ZNF804A: variants seen among roughly 807,000 people sequenced by gnomAD.
ZNF804A encodes zinc finger protein 804A.
A neutral mutation model predicts 16.5 loss-of-function variants in ZNF804A; 2 were observed. That is an observed-to-expected ratio of 0.12 (90% CI 0.05 to 0.38). The LOEUF (loss-of-function observed/expected upper bound fraction) is 0.38, where lower values mean the gene tolerates loss of function less well. Among genes scored for constraint, ZNF804A ranks in the 10% least tolerant of loss-of-function variants. The pLI, the probability that ZNF804A is intolerant of heterozygous loss-of-function variation, is 0.99. For synonymous variants in ZNF804A, 534 were observed against 489.6 expected (o/e 1.09, Z -1.20); for missense variants, 1,473 against 1,390.7 (o/e 1.06, Z -0.94).
intron 1 of ZNF804A, among the ~76,000 whole-genome samples, chr2:184,808,601 A>G (rs1012017517): frequency 2.0e-5 from 3 of 151,514 alleles, no homozygotes; most frequent in African/African-American, 7.2e-5. Context: ...TTTAAATATT[A>G]ATAGATTATA....
In ZNF804A at chr2:184,936,706, T is replaced by A; in HGVS notation, c.1310T>A (p.Leu437His). The change falls in exon 4 of 4, where the codon CTT becomes CAT. Residue 437 changes from leucine to histidine, a missense_variant. By Grantham distance (99) the Leu-to-His change is moderately conservative (BLOSUM62 -3). Transcript: ENST00000302277. Reference protein sequence around the residue: ...PVLNKHRSTVLQWPSEMLVYT... With the variant: ...PVLNKHRSTVHQWPSEMLVYT... ...CTTAACAAACACAGATCTACAGTTC[T>A]TCAGTGGCCATCAGAAATGCTGGTT... is the stretch of plus-strand genomic sequence containing the variant. The A allele has an allele frequency of 6.2e-7, 1 of 1,613,718 alleles. No homozygotes were observed. The highest frequency in any genetic ancestry group is 8.5e-7 in the Non-Finnish European group (1 of 1,179,870).
chr2:184,868,669 T>C (rs1695923011), intron 2 of ZNF804A, among the ~76,000 whole-genome samples: 1 of 151,946 alleles, frequency 6.6e-6, no homozygotes, highest in African/African-American at 2.4e-5. Context: ...CCTGTGACAA[T>C]TGAGAGTATG....
intron 2 of ZNF804A, among the ~76,000 whole-genome samples, chr2:184,867,498 T>C (rs1478284285): frequency 1.3e-5 from 2 of 152,042 alleles, no homozygotes; most frequent in African/African-American, 4.8e-5. Context: ...AATCCTGCAG[T>C]CGTTCATACC....
intron 1 of ZNF804A, among the ~76,000 whole-genome samples, chr2:184,792,052 T>TTATTTATTTTTTTTTATTTATTTA (rs1303154091): frequency 1.3e-5 from 2 of 152,138 alleles, no homozygotes; most frequent in Non-Finnish European, 2.9e-5. Context: ...TGTACAACAG[T>TTATTTATTTTTTTTTATTTATTTA]TTATTTATTT....
At chr2:184,781,776 T>A (rs1694375651) in intron 1 of ZNF804A, among the ~76,000 whole-genome samples, 1 of 151,850 alleles carries the variant, frequency 6.6e-6, no homozygotes, top group Non-Finnish European at 1.5e-5. Flanking sequence ...TTTCTGAAAA[T>A]TTTTCTTTTT....
At chr2:184,676,388 T>TAC (rs1191439532) in intron 1 of ZNF804A, among the ~76,000 whole-genome samples, 1 of 151,390 alleles carries the variant, frequency 6.6e-6, no homozygotes, top group Non-Finnish European at 1.5e-5. Context: ...CACATATGCA[T>TAC]ACACACACAC....
intron 1 of ZNF804A, among the ~76,000 whole-genome samples, chr2:184,710,204 A>C (rs1466399370): frequency 6.6e-6 from 1 of 151,562 alleles, no homozygotes; most frequent in Non-Finnish European, 1.5e-5. Context: ...AAATTGTGTA[A>C]GTTTTGAAGT....
At chr2:184,740,708 T>C (rs1283832449) in intron 1 of ZNF804A, among the ~76,000 whole-genome samples, 1 of 152,192 alleles carries the variant, frequency 6.6e-6, no homozygotes. Flanking sequence ...TTCTGTCTTA[T>C]ATTCAACTTA....
intron 1 of ZNF804A, among the ~76,000 whole-genome samples, chr2:184,787,029 G>T (rs1574212186): frequency 6.6e-6 from 1 of 151,680 alleles, no homozygotes; most frequent in Non-Finnish European, 1.5e-5. Context: ...ATGTGTAATG[G>T]TTGGGGTTGG....
rs867440149 is a variant in ZNF804A, at chr2:184,904,922, A to T, written c.256-28681A>T. On this transcript the variant is annotated intron_variant, in intron 2 of 3. Transcript: ENST00000302277. ...ATCTATTTACCCATTTATATGAAAGATAGAAATCTTAGTATGGCCTGCAAT... is the reference window on the plus strand; with the variant it reads ...ATCTATTTACCCATTTATATGAAAGTTAGAAATCTTAGTATGGCCTGCAAT... 2.6e-5 allele frequency among the ~76,000 whole-genome samples: 4 copies of T among 152,118 alleles called. 1 individual carries two copies. The highest frequency in any genetic ancestry group is 2.0e-4 in the Admixed American group (3 of 15,254).
chr2:184,676,513 A>G (rs1487399692), intron 1 of ZNF804A, among the ~76,000 whole-genome samples: 1 of 151,668 alleles, frequency 6.6e-6, no homozygotes, highest in Non-Finnish European at 1.5e-5. Context: ...ATAAAGACTG[A>G]ACAAATTGAT....
intron 2 of ZNF804A, among the ~76,000 whole-genome samples, chr2:184,878,828 T>G (rs1202938799): frequency 6.6e-6 from 1 of 152,036 alleles, no homozygotes; most frequent in South Asian, 2.1e-4. Flanking sequence ...AAAATATTTG[T>G]TTTTTTATTC....
At chr2:184,614,710 A>G (rs1168939729) in intron 1 of ZNF804A, among the ~76,000 whole-genome samples, 1 of 152,210 alleles carries the variant, frequency 6.6e-6, no homozygotes, top group Admixed American at 6.5e-5. Context: ...AAACATCCCA[A>G]TCAAAAAGTC....
chr2:184,719,128 C>T (rs1693261407), intron 1 of ZNF804A, among the ~76,000 whole-genome samples: 1 of 152,132 alleles, frequency 6.6e-6, no homozygotes, highest in African/African-American at 2.4e-5. Flanking sequence ...GGCTCAATAC[C>T]ACATGAAAGC....
chr2:184,603,935 C>T (rs1477871153), intron 1 of ZNF804A, among the ~76,000 whole-genome samples: 1 of 151,824 alleles, frequency 6.6e-6, no homozygotes. Context: ...ATTCTAGTAT[C>T]GAAAATAACT....
At position 184,937,333 on chromosome 2, in the gene ZNF804A, C is replaced by A. The variant is rs770478321; in HGVS notation, c.1937C>A (p.Ala646Glu). ...ATTTCAGAAAAGCAGTATTTAGCTG[C>A]AGAGCAATTATTAGACTCACATCAG... is the stretch of plus-strand genomic sequence containing the variant. ...EPISEKQYLA[A>E]EQLLDSHQLL... The change falls in exon 4 of 4, where the codon GCA becomes GAA. Residue 646 changes from alanine to glutamate, a missense_variant. Ala to Glu is a moderately radical substitution (Grantham distance 107). Coordinates refer to ENST00000302277, the MANE Select transcript of ZNF804A (RefSeq NM_194250.2). 6.2e-7 allele frequency: 1 copy of A among 1,613,828 alleles called. No individual in the cohort carries two copies. The highest frequency in any genetic ancestry group is 1.1e-5 in the South Asian group (1 of 91,074).
chr2:184,906,742 G>A (rs537304296), intron 2 of ZNF804A, among the ~76,000 whole-genome samples: 2 of 152,194 alleles, frequency 1.3e-5, no homozygotes, highest in South Asian at 4.2e-4. Context: ...GTAATTTTGC[G>A]ATACAATTAA....
At chr2:184,725,398 T>G (rs1038222840) in intron 1 of ZNF804A, among the ~76,000 whole-genome samples, 1 of 151,788 alleles carries the variant, frequency 6.6e-6, no homozygotes, top group South Asian at 2.1e-4. Flanking sequence ...TGTAACATTT[T>G]ATTTTATAAA....
At chr2:184,745,265 T>G (rs1693772118) in intron 1 of ZNF804A, among the ~76,000 whole-genome samples, 1 of 151,766 alleles carries the variant, frequency 6.6e-6, no homozygotes. Context: ...CCTACATTAG[T>G]GTTCCCGGTT....
Sources: gnomAD v4.1 joint callset for allele counts (sites outside exome capture counted in the v4.1 genomes callset) on GRCh38, gnomAD v4.1.1 for gene constraint, MANE v1.5 for transcripts, NCBI Gene and HGNC (gene_info 2026-07-23, HGNC 2026-07-21) for gene names.